ARHGEF12: variants seen among roughly 807,000 people sequenced by gnomAD.
ARHGEF12 encodes Rho guanine nucleotide exchange factor 12.
A neutral mutation model predicts 211.2 loss-of-function variants in ARHGEF12; 66 were observed. The ratio of observed to expected loss-of-function variants is 0.31; its 90% CI spans 0.26 to 0.38. The LOEUF (loss-of-function observed/expected upper bound fraction) is 0.38, where lower values mean the gene tolerates loss of function less well. Ranked by LOEUF, ARHGEF12 falls within the 10% of genes least tolerant of loss-of-function variation. The pLI, the probability that ARHGEF12 is intolerant of heterozygous loss-of-function variation, is 1.00. For missense variants in ARHGEF12, 1,429 were observed against 1,869.5 expected, an observed-to-expected ratio of 0.76 and a Z score of 4.34; for synonymous variants, 592 against 638.4, an observed-to-expected ratio of 0.93 and a Z score of 1.09.
chr11:120,444,355 T>A (rs1342131846), intron 15 of ARHGEF12, among the ~76,000 whole-genome samples: 1 of 152,166 alleles, frequency 6.6e-6, no homozygotes, highest in Non-Finnish European at 1.5e-5. Context: ...ATAAGAAGAA[T>A]CCTTACACTT....
At chr11:120,343,365 A>G (rs1427391014) in intron 1 of ARHGEF12, among the ~76,000 whole-genome samples, 1 of 152,248 alleles carries the variant, frequency 6.6e-6, no homozygotes, top group Admixed American at 6.5e-5. Context: ...TACTTTTTCA[A>G]CTTAGAATAT....
chr11:120,460,801 T>C (rs1218050551), intron 27 of ARHGEF12, 44 bp downstream of exon 27: 3 of 1,506,454 alleles, frequency 2.0e-6, no homozygotes, highest in Admixed American at 1.7e-5. Context: ...TATGGACACT[T>C]GATGGTTAGA....
intron 10 of ARHGEF12, among the ~76,000 whole-genome samples, chr11:120,431,119 G>A (rs1591582735): frequency 6.6e-6 from 1 of 151,822 alleles, no homozygotes; most frequent in South Asian, 2.1e-4. Flanking sequence ...GTGAAACTCC[G>A]ACTCTACTAA....
rs375027951 is a variant in ARHGEF12, at chr11:120,458,178, G to T, written c.2324G>T (p.Arg775Leu). 1.9e-6 allele frequency: 3 copies of T among 1,613,310 alleles called. No homozygotes were observed. The highest frequency in any genetic ancestry group is 1.1e-5 in the South Asian group (1 of 90,780). Residue 775 changes from arginine (R) to leucine (L), a missense_variant, in exon 25 of 41, where the codon CGA becomes CTA. Arg to Leu is a moderately radical substitution (Grantham distance 102). Around this residue, in one of 7 missense-constraint regions of ARHGEF12, gnomAD observed 373 missense variants for 467.5 expected, o/e 0.80. Transcript: ENST00000397843. Reference protein sequence around the residue: ...DPPNWQQLVSREVLLGLKPCE... With the variant: ...DPPNWQQLVSLEVLLGLKPCE... ...CCCAACTGGCAGCAGCTTGTTAGTCGAGAAGTGTTACTGGGACTAAAACCT... is the reference window on the plus strand; with the variant it reads ...CCCAACTGGCAGCAGCTTGTTAGTCTAGAAGTGTTACTGGGACTAAAACCT...
intron 1 of ARHGEF12, among the ~76,000 whole-genome samples, chr11:120,388,725 A>G (rs1192571333): frequency 6.6e-6 from 1 of 152,166 alleles, no homozygotes; most frequent in Non-Finnish European, 1.5e-5. Flanking sequence ...AATGTTTAAC[A>G]TATTTTCATG....
intron 21 of ARHGEF12, chr11:120,450,536 T>C (rs1946179376): frequency 1.3e-5 from 2 of 152,018 alleles, no homozygotes; most frequent in South Asian, 4.2e-4. Flanking sequence ...GTTAAAGAGA[T>C]GGAGGATTTC....
At chr11:120,390,869 A>G (rs1051625383) in intron 1 of ARHGEF12, among the ~76,000 whole-genome samples, 6 of 152,196 alleles carry the variant, frequency 3.9e-5, no homozygotes, top group Admixed American at 3.3e-4. Flanking sequence ...AGAACCTCAC[A>G]TTTCTCTTCA....
rs141113643 is a variant in ARHGEF12 at position 120,369,703 on chromosome 11, C to G, written c.32+32428C>G. On this transcript the variant is annotated intron_variant, in intron 1 of 40. Transcript: ENST00000397843. Reference sequence around the variant, plus strand: ...GGAAAACACCTGAGAAGCTTGCGCTCTTAGTGTTACTACACAGAAGTCTCA... The same window carrying G: ...GGAAAACACCTGAGAAGCTTGCGCTGTTAGTGTTACTACACAGAAGTCTCA... Among the ~76,000 whole-genome samples the G allele has an allele frequency of 2.3e-4, 35 of 152,342 alleles. No homozygotes were observed. In the East Asian group the frequency reaches 6.5e-3, roughly 29 times the overall value.
At chr11:120,364,795 A>G (rs1258058728) in intron 1 of ARHGEF12, among the ~76,000 whole-genome samples, 1 of 151,940 alleles carries the variant, frequency 6.6e-6, no homozygotes, top group Non-Finnish European at 1.5e-5. Flanking sequence ...GCTTTTAAAA[A>G]GACTTCTAGG....
chr11:120,387,871 C>G (rs534607495), intron 1 of ARHGEF12, among the ~76,000 whole-genome samples: 1 of 152,164 alleles, frequency 6.6e-6, no homozygotes, highest in South Asian at 2.1e-4. Flanking sequence ...TATAACATAA[C>G]GTTTACTGGT....
At chr11:120,406,089 C>G in intron 1 of ARHGEF12, 29 bp from the exon 2 acceptor site, 1 of 1,511,696 alleles carries the variant, frequency 6.6e-7, no homozygotes, top group Admixed American at 2.1e-5. Flanking sequence ...AAAGTAACTA[C>G]ATCTATCCTT....
At chr11:120,437,472 T>A (rs983192909) in intron 12 of ARHGEF12, 90 bp downstream of exon 12, 40 of 846,746 alleles carry the variant, frequency 4.7e-5, no homozygotes, top group Non-Finnish European at 6.6e-5. Context: ...TTTACATATT[T>A]TATTTTTTAT....
chr11:120,369,425 G>A (rs1259920618), intron 1 of ARHGEF12, among the ~76,000 whole-genome samples: 7 of 152,038 alleles, frequency 4.6e-5, no homozygotes, highest in South Asian at 2.1e-4. Flanking sequence ...CATCCCACTC[G>A]GCCAGATCTT....
rs761989636 is a variant in ARHGEF12 at position 120,440,137 on chromosome 11, A to G, written c.1008A>G (p.Gln336=). 7 of 1,611,342 alleles carry G rather than the reference A, an allele frequency of 4.3e-6. No homozygotes were observed. The Admixed American group carries it at 8.4e-5, about 19-fold the overall frequency. Residue 336 remains glutamine (Q), a synonymous_variant, in exon 13 of 41, where the codon CAA becomes CAG. Coordinates refer to ENST00000397843, the MANE Select transcript of ARHGEF12 (RefSeq NM_015313.3). ...TCCCTGAATGTTGCCAGGACACTCA[A>G]TCACTTGTCGGAAGTCCCTCAACCC... is the stretch of plus-strand genomic sequence containing the variant. The part of the protein sequence containing the change: ...KSETIQDTDT[Q]SLVGSPSTRI...
chr11:120,365,441 A>T (rs1943397053), intron 1 of ARHGEF12, among the ~76,000 whole-genome samples: 1 of 152,186 alleles, frequency 6.6e-6, no homozygotes, highest in African/African-American at 2.4e-5. Context: ...ACATAGGAAT[A>T]AAGGAAAAAG....
At chr11:120,474,455 T>C in intron 31 of ARHGEF12, 105 bp from the exon 32 acceptor site, 1 of 665,398 alleles carries the variant, frequency 1.5e-6, no homozygotes, top group Non-Finnish European at 2.4e-6. Flanking sequence ...ATGTAAATGG[T>C]GTATTTTATA....
intron 29 of ARHGEF12, among the ~76,000 whole-genome samples, chr11:120,468,221 T>C (rs879417313): frequency 5.3e-5 from 8 of 152,234 alleles, no homozygotes; most frequent in Admixed American, 3.9e-4. Flanking sequence ...ACTGAAATCT[T>C]GTTTCTTGTG....
rs1261562619 is a variant in ARHGEF12, at chr11:120,473,033, C to A, written c.2956-17C>A. ...GACCAAAGCACTAACCTTGGTTCCA[C>A]CCTGCCTAATTTTCAGCGCCTAGAA... On this transcript the variant is annotated splice_polypyrimidine_tract_variant and intron_variant, in intron 30 of 40. Transcript: ENST00000397843. 6.2e-7 allele frequency: 1 copy of A among 1,612,668 alleles called. No homozygotes were observed. The highest frequency in any genetic ancestry group is 2.2e-5 in the East Asian group (1 of 44,856).
At chr11:120,425,796 T>C (rs1254330147) in intron 7 of ARHGEF12, among the ~76,000 whole-genome samples, 2 of 149,926 alleles carry the variant, frequency 1.3e-5, no homozygotes, top group Non-Finnish European at 3.0e-5. Flanking sequence ...CTGCTTGAAC[T>C]GAATGAAATT....
Sources: gnomAD v4.1 joint callset for allele counts (sites outside exome capture counted in the v4.1 genomes callset) on GRCh38, gnomAD v4.1.1 for gene constraint, gnomAD v4.1.1 regional missense constraint, MANE v1.5 for transcripts, NCBI Gene and HGNC (gene_info 2026-07-23, HGNC 2026-07-21) for gene names.